The following RND3 variants were observed in gnomAD, a reference collection of about 807,000 sequenced individuals.
RND3 encodes rho-related GTP-binding protein RhoE.
In RND3, 8 loss-of-function variants were observed where a neutral mutation model predicts 26.5. That is an observed-to-expected ratio of 0.30 (90% CI 0.18 to 0.54). The LOEUF is 0.54. RND3 is among the 20% of genes least tolerant of loss of function. The probability of loss-of-function intolerance (pLI) is 0.94; values close to 1 mark genes in which losing one functional copy is unlikely to be tolerated. For missense variants in RND3, 207 were observed against 302.8 expected, an observed-to-expected ratio of 0.68 and a Z score of 2.35; for synonymous variants, 113 against 113.0, an observed-to-expected ratio of 1.00 and a Z score of 0.00.
At chr2:150,479,586 T>G (rs1180465544) in intron 3 of RND3, among the ~76,000 whole-genome samples, 1 of 152,202 alleles carries the variant, frequency 6.6e-6, no homozygotes, top group Non-Finnish European at 1.5e-5. Context: ...AGATTAACTT[T>G]TGGTATATTT....
chr2:150,474,809 C>T, intron 4 of RND3, 66 bp downstream of exon 4: 1 of 930,362 alleles, frequency 1.1e-6, no homozygotes, highest in Non-Finnish European at 1.7e-6. Context: ...AGCTTCCCAA[C>T]AAACCCCACG....
At position 150,487,472 on chromosome 2, in the gene RND3, AAAATATAT is replaced by A; in HGVS notation, c.-38-25_-38-18del. 3 of 343,776 alleles carry A rather than the reference AAAATATAT, an allele frequency of 8.7e-6. No homozygotes were observed. The highest frequency in any genetic ancestry group is 1.2e-5 in the Non-Finnish European group (3 of 245,266). The allele number at this position is 343,776 out of a possible 1,614,324, so 21.3% of individuals were successfully genotyped here. On this transcript the variant is annotated intron_variant, in intron 1 of 5. Transcript: ENST00000263895. ...GAATTTTCTCTTAAGAAGAAAAAAA[AAAATATAT>A]ATATATATATATATTTCTCTCTTTA... is the stretch of plus-strand genomic sequence containing the variant.
chr2:150,478,579 C>CAAAAAAAAAAAAAAAA (rs1229770069), intron 3 of RND3, among the ~76,000 whole-genome samples: 20 of 106,380 alleles, frequency 1.9e-4, no homozygotes, highest in African/African-American at 6.7e-4. Context: ...AGCCAAACGG[C>CAAAAAAAAAAAAAAAA]AAAAAAAAAA....
Position 150,486,651 on chromosome 2 carries a change from C to T in RND3, c.238+43G>A. Reference sequence around the variant, plus strand: ...AGACCCGCCGCGCATCCCCCAGCGACTGGAAACCCGCCCCAAGCGCCACGC... The same window carrying T: ...AGACCCGCCGCGCATCCCCCAGCGATTGGAAACCCGCCCCAAGCGCCACGC... On this transcript the variant is annotated intron_variant, in intron 3 of 5. Coordinates refer to ENST00000263895, the MANE Select transcript of RND3 (RefSeq NM_005168.5). This position sits in a 1 kb window ranked among gnomAD's most constrained non-coding sequence, Gnocchi z 4.5. The T allele has an allele frequency of 7.1e-7, 1 of 1,409,224 alleles. No homozygotes were observed. Among genetic ancestry groups the T allele is most frequent in the Non-Finnish European group, 1.0e-6 (1 of 993,278 alleles). 87.3% of individuals were successfully genotyped at this position (1,409,224 alleles called of 1,614,324 possible). A position where few individuals can be genotyped will look rare whatever the true frequency, so the allele number is the denominator to read the frequency against.
rs1480286830 is a variant in RND3, at chr2:150,486,262, C to T, written c.238+432G>A. Reference sequence around the variant, plus strand: ...TGGGATTTTCTCCCGCCTCCCATCACCCCCGCGGCGCTCCCCGCCTCCCCG... The same window carrying T: ...TGGGATTTTCTCCCGCCTCCCATCATCCCCGCGGCGCTCCCCGCCTCCCCG... On this transcript the variant is annotated intron_variant, in intron 3 of 5. Transcript: ENST00000263895. This position sits in a 1 kb window ranked among gnomAD's most constrained non-coding sequence, Gnocchi z 4.5. 6.6e-6 allele frequency among the ~76,000 whole-genome samples: 1 copy of T among 152,232 alleles called. No individual in the cohort carries two copies. Among genetic ancestry groups the T allele is most frequent in the African/African-American group, 2.4e-5 (1 of 41,472 alleles).
At chr2:150,483,739 A>G (rs1420551780) in intron 3 of RND3, among the ~76,000 whole-genome samples, 1 of 152,238 alleles carries the variant, frequency 6.6e-6, no homozygotes, top group Non-Finnish European at 1.5e-5. Context: ...TAAACAACAA[A>G]TCACTTTTGA....
At chr2:150,480,904 A>T (rs892510366) in intron 3 of RND3, among the ~76,000 whole-genome samples, 2 of 152,146 alleles carry the variant, frequency 1.3e-5, no homozygotes, top group Admixed American at 6.5e-5. Flanking sequence ...TGAAACCCTA[A>T]GCTCCAATGG....
In RND3 at chr2:150,469,721, T is replaced by G; in HGVS notation, c.*266A>C. ...TTGGAGGTACTCGCATCCCCCCTCA[T>G]CTTCCTCTAGCTCATTTGTATCTCT... On this transcript the variant is annotated 3_prime_UTR_variant, in exon 6 of 6. Transcript: ENST00000263895. 2.5e-6 allele frequency: 1 copy of G among 399,166 alleles called. No homozygotes were observed. Among genetic ancestry groups the G allele is most frequent in the Non-Finnish European group, 4.5e-6 (1 of 223,534 alleles). The allele number at this position is 399,166 out of a possible 1,614,324, so 24.7% of individuals were successfully genotyped here. A position where few individuals can be genotyped will look rare whatever the true frequency, so the allele number is the denominator to read the frequency against.
At position 150,486,593 on chromosome 2, in the gene RND3, G is replaced by C; in HGVS notation, c.238+101C>G. 6 of 852,072 alleles carry C rather than the reference G, an allele frequency of 7.0e-6. No homozygotes were observed. In the South Asian group the frequency reaches 7.9e-5, roughly 11 times the overall value. 52.8% of individuals were successfully genotyped at this position (852,072 alleles called of 1,614,324 possible). On this transcript the variant is annotated intron_variant, in intron 3 of 5. Coordinates refer to ENST00000263895, the MANE Select transcript of RND3 (RefSeq NM_005168.5). This position sits in a 1 kb window ranked among gnomAD's most constrained non-coding sequence, Gnocchi z 4.5. ...AGGGACCGTGGGAATCCCTTGGGAG[G>C]GGCGCAGACGGCTTGTAGCGCGCGG...
chr2:150,480,709 C>T (rs138075837), intron 3 of RND3, among the ~76,000 whole-genome samples: 1 of 152,140 alleles, frequency 6.6e-6, no homozygotes, highest in East Asian at 1.9e-4. Flanking sequence ...ATTCATACTG[C>T]CCCCTCCCCT....
At chr2:150,474,268 C>T (rs919767044) in intron 4 of RND3, among the ~76,000 whole-genome samples, 2 of 152,158 alleles carry the variant, frequency 1.3e-5, no homozygotes, top group South Asian at 4.1e-4. Flanking sequence ...ACCTGACTTA[C>T]CTTTGCCTCC....
chr2:150,486,772 G>A lies in RND3; in HGVS notation c.160C>T (p.Pro54Ser), dbSNP rs752108217. The A allele has an allele frequency of 8.7e-6, 14 of 1,611,722 alleles. 1 individual carries two copies. In the South Asian group the frequency reaches 1.5e-4, roughly 18 times the overall value. ...AKDCFPENYV[P>S]TVFENYTASF... is the part of the protein sequence containing the mutation. ...GCCGTGTAATTCTCAAACACTGTAG[G>A]AACGTAATTCTGGATAGACAAAATG... The change falls in exon 3 of 6, where the codon CCT (proline) becomes TCT (serine). Residue 54 changes from proline (P) to serine (S), a missense_variant. By Grantham distance (74) the Pro-to-Ser change is moderately conservative (BLOSUM62 -1). Transcript: ENST00000263895. This position sits in a 1 kb window ranked among gnomAD's most constrained non-coding sequence, Gnocchi z 4.5.
chr2:150,477,167 CT>C (rs1686183360), intron 3 of RND3, among the ~76,000 whole-genome samples: 1 of 152,132 alleles, frequency 6.6e-6, no homozygotes, highest in Non-Finnish European at 1.5e-5. Context: ...CAGAGATCTC[CT>C]TTCCCAGAAA....
In RND3 at chr2:150,487,461, G is replaced by GAAA. The variant is rs773798679; in HGVS notation, c.-38-7_-38-6insTTT. ...TCTTGGAACAGGAATTTTCTCTTAAGAAGAAAAAAAAAAATATATATATAT... is the reference window on the plus strand; with the variant it reads ...TCTTGGAACAGGAATTTTCTCTTAAGAAAAAGAAAAAAAAAAATATATATATAT... On this transcript the variant is annotated splice_region_variant and splice_polypyrimidine_tract_variant and intron_variant, in intron 1 of 5. Coordinates refer to ENST00000263895, the MANE Select transcript of RND3 (RefSeq NM_005168.5). 2 of 596,468 alleles carry GAAA rather than the reference G, an allele frequency of 3.4e-6. No individual in the cohort carries two copies. The highest frequency in any genetic ancestry group is 8.8e-5 in the South Asian group (2 of 22,834). The allele number at this position is 596,468 out of a possible 1,614,324, so 36.9% of individuals were successfully genotyped here. A position where few individuals can be genotyped will look rare whatever the true frequency, so the allele number is the denominator to read the frequency against.
rs772768937 is a variant in RND3, at chr2:150,483,388, C to T, written c.238+3306G>A. ...CCCTATATAAGAGCAGTCAGGCACA[C>T]CCAATTTTTCCTATATAAGTCTCTT... On this transcript the variant is annotated intron_variant, in intron 3 of 5. Transcript: ENST00000263895. Among the ~76,000 whole-genome samples, 28 of 152,142 alleles carry T rather than the reference C, an allele frequency of 1.8e-4. 1 individual carries two copies. Among genetic ancestry groups the T allele is most frequent in the South Asian group, 6.2e-4 (3 of 4,832 alleles).
chr2:150,484,744 T>C (rs1174962023), intron 3 of RND3, among the ~76,000 whole-genome samples: 1 of 152,172 alleles, frequency 6.6e-6, no homozygotes, highest in Non-Finnish European at 1.5e-5. Flanking sequence ...TTTTTACAGA[T>C]GATGAAAATG....
At position 150,469,882 on chromosome 2, in the gene RND3, T is replaced by C; in HGVS notation, c.*105A>G. On this transcript the variant is annotated 3_prime_UTR_variant, in exon 6 of 6. Transcript: ENST00000263895. ...TCCTCTCAAACGCCTCCTAAGCCTC[T>C]GGTATACATGACTTTGGCTGTGCAC... is the stretch of plus-strand genomic sequence containing the variant. 1.5e-6 allele frequency: 2 copies of C among 1,333,506 alleles called. No individual in the cohort carries two copies. Among genetic ancestry groups the C allele is most frequent in the South Asian group, 1.4e-5 (1 of 71,458 alleles). 82.6% of individuals were successfully genotyped at this position (1,333,506 alleles called of 1,614,324 possible). A position where few individuals can be genotyped will look rare whatever the true frequency, so the allele number is the denominator to read the frequency against.
rs1290138818 is a variant in RND3, at chr2:150,486,296, C to T, written c.238+398G>A. On this transcript the variant is annotated intron_variant, in intron 3 of 5. Transcript: ENST00000263895. The surrounding 1 kb of genome is among the most constrained non-coding windows in gnomAD (Gnocchi z 4.5). ...CGCTCCCCGCCTCCCCGCCAACCAG[C>T]AGGTTAGATCTAGGAGGGGCGCCCG... 6.6e-6 allele frequency among the ~76,000 whole-genome samples: 1 copy of T among 152,170 alleles called. No individual in the cohort carries two copies. The highest frequency in any genetic ancestry group is 1.5e-5 in the Non-Finnish European group (1 of 68,026).
chr2:150,475,649 C>G (rs932531419), intron 3 of RND3, among the ~76,000 whole-genome samples: 1 of 152,114 alleles, frequency 6.6e-6, no homozygotes, highest in African/African-American at 2.4e-5. Context: ...TCAGTGTTAC[C>G]CATCTCCAAG....
Sources: allele counts gnomAD v4.1 joint callset (sites outside exome capture counted in the v4.1 genomes callset), GRCh38; gene constraint gnomAD v4.1.1; non-coding constraint Gnocchi (gnomAD v3.1); transcripts MANE v1.5; gene names NCBI Gene and HGNC (gene_info 2026-07-23, HGNC 2026-07-21).